The following CENPF variants were observed in gnomAD, a reference collection of about 807,000 sequenced individuals.
CENPF encodes centromere protein F.
In CENPF, 214 loss-of-function variants were observed where a neutral mutation model predicts 307.3. The observed-to-expected ratio is 0.70, with a 90% CI of 0.62 to 0.78. CENPF has a LOEUF of 0.78. Among genes scored for constraint, CENPF ranks in the 30% least tolerant of loss-of-function variants. The pLI is 0.00. For missense variants in CENPF, 3,401 were observed against 3,483.9 expected, an observed-to-expected ratio of 0.98 and a Z score of 0.60; for synonymous variants, 1,259 against 1,270.6, an observed-to-expected ratio of 0.99 and a Z score of 0.19.
chr1:214,619,129 G>A lies in CENPF; in HGVS notation c.482G>A (p.Gly161Asp). Residue 161 changes from glycine (G) to aspartate (D), a missense_variant and splice_region_variant, in exon 5 of 20, where the codon GGT becomes GAT. Coordinates refer to ENST00000366955, the MANE Select transcript of CENPF (RefSeq NM_016343.4). ...TPLTPSQYYS[G>D]SKYEDLKEKY... ...ACTGTATTTGATTGTCTGTTTCTAG[G>A]TTCCAAGTATGAAGATCTAAAAGAA... 2.9e-6 allele frequency: 4 copies of A among 1,395,180 alleles called. No individual in the cohort carries two copies. Among genetic ancestry groups the A allele is most frequent in the Non-Finnish European group, 3.0e-6 (3 of 994,754 alleles). The allele number at this position is 1,395,180 out of a possible 1,614,324, so 86.4% of individuals were successfully genotyped here.
intron 1 of CENPF, among the ~76,000 whole-genome samples, chr1:214,605,134 A>G (rs917380879): frequency 1.3e-5 from 2 of 152,236 alleles, no homozygotes; most frequent in Admixed American, 6.5e-5. Flanking sequence ...AGGCTAAAAT[A>G]AAGGAAAGTT....
In CENPF at chr1:214,655,667, G is replaced by A. The variant is rs387535; in HGVS notation, c.8485+264G>A. Among the ~76,000 whole-genome samples the A allele has an allele frequency of 0.57, 86,973 of 151,938 alleles. 25,244 individuals are homozygous for A. Among genetic ancestry groups the A allele is most frequent in the East Asian group, 0.88 (4,533 of 5,162 alleles). ...GGTGGGAGTGCAGTGGTGCCATTAT[G>A]GCTCATTGCAGCCTCGACCTCAAAG... On this transcript the variant is annotated intron_variant, in intron 17 of 19. Coordinates refer to ENST00000366955, the MANE Select transcript of CENPF (RefSeq NM_016343.4).
intron 18 of CENPF, among the ~76,000 whole-genome samples, chr1:214,658,306 T>C (rs920317899): frequency 1.3e-5 from 2 of 152,230 alleles, no homozygotes; most frequent in African/African-American, 4.8e-5. Flanking sequence ...TCCAAAGTCA[T>C]GTCACTTCCT....
intron 10 of CENPF, among the ~76,000 whole-genome samples, chr1:214,636,134 A>G (rs1475277143): frequency 4.6e-5 from 7 of 152,172 alleles, no homozygotes; most frequent in Non-Finnish European, 1.0e-4. Flanking sequence ...GGCTACTGTT[A>G]AATTTTGGGA....
At position 214,641,779 on chromosome 1, in the gene CENPF, T is replaced by A. The variant is rs1246949774; in HGVS notation, c.3441T>A (p.Asn1147Lys). 1 of 1,591,536 alleles carries A rather than the reference T, an allele frequency of 6.3e-7. No individual in the cohort carries two copies. The highest frequency in any genetic ancestry group is 1.2e-5 in the South Asian group (1 of 86,088). ...AAAACAAAATGCAAAAGGAAGTTAA[T>A]GACTTATTACAAGAGAATGAACAGC... ...EEQNKMQKEV[N>K]DLLQENEQLM... Residue 1147 changes from asparagine (N) to lysine (K), a missense_variant, in exon 12 of 20, where the codon AAT becomes AAA. By Grantham distance (94) the Asn-to-Lys change is moderately conservative (BLOSUM62 0). Coordinates refer to ENST00000366955, the MANE Select transcript of CENPF (RefSeq NM_016343.4).
chr1:214,635,024 C>T (rs1333604795), intron 10 of CENPF, among the ~76,000 whole-genome samples: 9 of 152,146 alleles, frequency 5.9e-5, no homozygotes, highest in African/African-American at 9.7e-5. Flanking sequence ...ATAAGCTGCT[C>T]GTCCACTATC....
rs752718451 is a variant in CENPF, at chr1:214,642,110, AT to A, written c.3774del (p.Ser1259ValfsTer8). 17 of 1,612,390 alleles carry A rather than the reference AT, an allele frequency of 1.1e-5. No homozygotes were observed. The highest frequency in any genetic ancestry group is 1.4e-5 in the Non-Finnish European group (17 of 1,179,582). ...SNLQDMQSQEISGLKDCEIDA... is the reference protein window; with the variant it reads ...SNLQDMQSQEXSGLKDCEIDA... ...TTTGCAAGACATGCAGTCACAAGAA[AT>A]TAGTGGCCTTAAAGACTGTGAAATA... is the stretch of plus-strand genomic sequence containing the variant. On this transcript the variant is annotated frameshift_variant, in exon 12 of 20. Coordinates refer to ENST00000366955, the MANE Select transcript of CENPF (RefSeq NM_016343.4). LOFTEE classifies it high-confidence loss of function.
chr1:214,627,369 C>CAT (rs1657684129), intron 7 of CENPF, among the ~76,000 whole-genome samples: 2 of 83,974 alleles, frequency 2.4e-5, no homozygotes, highest in Non-Finnish European at 4.2e-5. Context: ...CCCTCAGGCT[C>CAT]TTTTTTTTTT....
rs778085976 is a variant in CENPF, at chr1:214,642,127, CTG to C, written c.3792_3793del (p.Cys1264Ter). On this transcript the variant is annotated frameshift_variant, in exon 12 of 20. Transcript: ENST00000366955. LOFTEE classifies it high-confidence loss of function. Reference protein sequence around the residue: ...QSQEISGLKDCEIDAEEKYIS... With the variant: ...QSQEISGLKDXEIDAEEKYIS... The stretch of plus-strand genomic sequence containing the variant: ...CACAAGAAATTAGTGGCCTTAAAGA[CTG>C]TGAAATAGATGCGGAAGAAAAGTAT... 44 of 1,613,600 alleles carry C rather than the reference CTG, an allele frequency of 2.7e-5. No individual in the cohort carries two copies. The highest frequency in any genetic ancestry group is 5.5e-5 in the South Asian group (5 of 90,962).
At chr1:214,624,269 T>A (rs377191620) in intron 7 of CENPF, among the ~76,000 whole-genome samples, 7 of 152,166 alleles carry the variant, frequency 4.6e-5, no homozygotes, top group African/African-American at 1.7e-4. Flanking sequence ...TGTTTGATAT[T>A]TGTATCAGGG....
At chr1:214,612,294 ACCAACCGTAAAT>A (rs1657220938) in intron 1 of CENPF, among the ~76,000 whole-genome samples, 1 of 152,176 alleles carries the variant, frequency 6.6e-6, no homozygotes. Context: ...CGTATGTTGA[ACCAACCGTAAAT>A]CCTGGCGATG....
intron 19 of CENPF, among the ~76,000 whole-genome samples, chr1:214,660,560 T>G (rs1217220924): frequency 1.3e-5 from 2 of 152,196 alleles, no homozygotes; most frequent in Admixed American, 6.5e-5. Flanking sequence ...CTACAAGATA[T>G]CCACTGGATA....
rs2102531522 is a variant in CENPF at position 214,615,015 on chromosome 1, C to G, written c.346C>G (p.Gln116Glu). The G allele has an allele frequency of 1.3e-6, 2 of 1,598,914 alleles. No individual in the cohort carries two copies. Among genetic ancestry groups the G allele is most frequent in the Non-Finnish European group, 1.7e-6 (2 of 1,174,060 alleles). ...SGKKQIEKLE[Q>E]ELKRCKSELE... The stretch of plus-strand genomic sequence containing the variant: ...CAAAAAACAAATAGAAAAACTGGAA[C>G]AGGAACTTAAAAGGTAATATTTTGG... Residue 116 changes from glutamine (Q) to glutamate (E), a missense_variant, in exon 3 of 20, where the codon CAG (glutamine) becomes GAG (glutamate). Gln to Glu is a conservative substitution (Grantham distance 29, BLOSUM62 2). Transcript: ENST00000366955.
At chr1:214,635,242 G>A (rs1657923988) in intron 10 of CENPF, among the ~76,000 whole-genome samples, 1 of 152,218 alleles carries the variant, frequency 6.6e-6, no homozygotes, top group Non-Finnish European at 1.5e-5. Context: ...AAGTATATAG[G>A]CTTCGCCCAG....
chr1:214,613,620 T>C, intron 1 of CENPF, 94 bp from the exon 2 acceptor site: 1 of 892,990 alleles, frequency 1.1e-6, no homozygotes, highest in East Asian at 2.6e-5. Context: ...GTCTTGAAAC[T>C]TGATTTTTAG....
chr1:214,620,885 C>T lies in CENPF; in HGVS notation c.804C>T (p.Ser268=), dbSNP rs370239629. 2 of 1,613,944 alleles carry T rather than the reference C, an allele frequency of 1.2e-6. No homozygotes were observed. Among genetic ancestry groups the T allele is most frequent in the African/African-American group, 2.7e-5 (2 of 74,924 alleles). The part of the protein sequence containing the change: ...TLQIGKRDAN[S]SFFDNSSSPH... ...AAATAGGGAAAAGAGATGCTAATAG[C>T]AGTTTCTTTGACAATTCTAGCAGTC... Residue 268 remains serine (S), a synonymous_variant, in exon 6 of 20, where the codon AGC becomes AGT. Coordinates refer to ENST00000366955, the MANE Select transcript of CENPF (RefSeq NM_016343.4).
chr1:214,620,178 C>T (rs1477755226), intron 5 of CENPF, among the ~76,000 whole-genome samples: 1 of 152,150 alleles, frequency 6.6e-6, no homozygotes, highest in Non-Finnish European at 1.5e-5. Context: ...ATATTATATA[C>T]TATTAAACAC....
chr1:214,660,436 A>G (rs1658760753), intron 19 of CENPF, among the ~76,000 whole-genome samples: 1 of 152,262 alleles, frequency 6.6e-6, no homozygotes, highest in African/African-American at 2.4e-5. Flanking sequence ...ACTGGAGAAT[A>G]TATATTTAAT....
intron 19 of CENPF, among the ~76,000 whole-genome samples, chr1:214,662,362 T>G (rs1658808678): frequency 6.6e-6 from 1 of 152,204 alleles, no homozygotes; most frequent in African/African-American, 2.4e-5. Flanking sequence ...GTCTTTTCAG[T>G]GTCCTGGACA....
Sources: allele counts gnomAD v4.1 joint callset (sites outside exome capture counted in the v4.1 genomes callset), GRCh38; gene constraint gnomAD v4.1.1; transcripts MANE v1.5; gene names NCBI Gene and HGNC (gene_info 2026-07-23, HGNC 2026-07-21).